ARHGAP15: variants seen among roughly 807,000 people sequenced by gnomAD.
ARHGAP15 encodes the protein Rho GTPase activating protein 15.
A neutral mutation model predicts 63.7 loss-of-function variants in ARHGAP15; 51 were observed. That is an observed-to-expected ratio of 0.80 (90% CI 0.64 to 1.01). ARHGAP15 has a LOEUF of 1.01. ARHGAP15 is among the 50% of genes least tolerant of loss of function. The probability of loss-of-function intolerance (pLI) is 0.00; values close to 1 mark genes in which losing one functional copy is unlikely to be tolerated. For missense variants in ARHGAP15, 560 were observed against 564.6 expected (o/e 0.99, Z 0.08); for synonymous variants, 191 against 193.8 (o/e 0.99, Z 0.12).
intron 6 of ARHGAP15, among the ~76,000 whole-genome samples, chr2:143,413,926 G>GTT (rs921932624): frequency 3.7e-5 from 3 of 80,246 alleles, no homozygotes; most frequent in South Asian, 1.0e-3. Context: ...AAGGTAGGTA[G>GTT]TTGTGTGTGT....
chr2:143,409,277 C>T (rs1688345254), intron 6 of ARHGAP15, among the ~76,000 whole-genome samples: 3 of 151,874 alleles, frequency 2.0e-5, no homozygotes, highest in African/African-American at 7.2e-5. Flanking sequence ...ACAACAACCT[C>T]ATTAAAATTA....
chr2:143,367,779 C>T (rs964617307), intron 6 of ARHGAP15, among the ~76,000 whole-genome samples: 3 of 151,904 alleles, frequency 2.0e-5, no homozygotes, highest in African/African-American at 7.2e-5. Context: ...GTGTATTTGT[C>T]ACAAACAGCA....
chr2:143,163,535 A>G (rs111347172), intron 2 of ARHGAP15, among the ~76,000 whole-genome samples: 2 of 152,100 alleles, frequency 1.3e-5, no homozygotes, highest in African/African-American at 4.8e-5. Context: ...ACAAGCTGAA[A>G]TATCAAGATT....
chr2:143,572,276 A>G (rs1574649868), intron 11 of ARHGAP15, among the ~76,000 whole-genome samples: 1 of 151,806 alleles, frequency 6.6e-6, no homozygotes, highest in Non-Finnish European at 1.5e-5. Context: ...TAAAATCATC[A>G]CCCACCTGTG....
chr2:143,223,573 ACCAT>A (rs1358593357), intron 4 of ARHGAP15, among the ~76,000 whole-genome samples: 1 of 152,142 alleles, frequency 6.6e-6, no homozygotes, highest in African/African-American at 2.4e-5. Context: ...TTGCCTGCTG[ACCAT>A]CATGATAGGG....
intron 6 of ARHGAP15, among the ~76,000 whole-genome samples, chr2:143,318,449 T>C (rs955052771): frequency 2.7e-5 from 4 of 149,422 alleles, no homozygotes; most frequent in African/African-American, 9.8e-5. Context: ...CAATTATGAA[T>C]CTAAAAACGG....
chr2:143,188,228 T>G (rs1459841055), intron 2 of ARHGAP15, among the ~76,000 whole-genome samples: 1 of 152,140 alleles, frequency 6.6e-6, no homozygotes, highest in Non-Finnish European at 1.5e-5. Flanking sequence ...TTCACAATTT[T>G]TAGTTCAATT....
intron 6 of ARHGAP15, among the ~76,000 whole-genome samples, chr2:143,362,506 T>G (rs541328199): frequency 1.2e-4 from 18 of 152,332 alleles, no homozygotes; most frequent in Non-Finnish European, 2.4e-4. Context: ...CCTTAATATC[T>G]GCAATAGTCT....
In ARHGAP15 at chr2:143,529,196, A is replaced by G. The variant is rs557351387; in HGVS notation, c.925+9832A>G. On this transcript the variant is annotated intron_variant, in intron 10 of 13. Transcript: ENST00000295095. ...TTTATTTCTTAACTCAGCCCGCAGC[A>G]TTACAATCTATATTCCCCATTGCCC... is the stretch of plus-strand genomic sequence containing the variant. Among the ~76,000 whole-genome samples the G allele has an allele frequency of 4.6e-5, 7 of 152,252 alleles. 1 individual carries two copies. In the South Asian group the frequency reaches 1.4e-3, roughly 32 times the overall value.
intron 11 of ARHGAP15, among the ~76,000 whole-genome samples, chr2:143,593,687 C>T (rs1407638869): frequency 1.3e-5 from 2 of 152,060 alleles, no homozygotes; most frequent in African/African-American, 4.8e-5. Flanking sequence ...GTAGAATTCC[C>T]AGCCATAGCA....
intron 9 of ARHGAP15, among the ~76,000 whole-genome samples, chr2:143,503,965 G>A (rs980489484): frequency 5.3e-5 from 8 of 152,108 alleles, no homozygotes; most frequent in African/African-American, 1.7e-4. Flanking sequence ...TGCTCTAAGG[G>A]GTATTTAGGT....
chr2:143,281,210 A>G lies in ARHGAP15; in HGVS notation c.474+30610A>G, dbSNP rs188786257. Among the ~76,000 whole-genome samples the G allele has an allele frequency of 3.4e-3, 512 of 152,264 alleles. 3 individuals carry two copies. Among genetic ancestry groups the G allele is most frequent in the African/African-American group, 0.012 (487 of 41,570 alleles). The stretch of plus-strand genomic sequence containing the variant: ...GGCTTCATGTTGACTACTCTGCTAC[A>G]CATGTAATGAAGACAATTTAAAATG... On this transcript the variant is annotated intron_variant, in intron 6 of 13. Coordinates refer to ENST00000295095, the MANE Select transcript of ARHGAP15 (RefSeq NM_018460.4).
At chr2:143,541,886 C>A (rs1251874641) in intron 10 of ARHGAP15, among the ~76,000 whole-genome samples, 2 of 152,204 alleles carry the variant, frequency 1.3e-5, no homozygotes, top group Admixed American at 6.5e-5. Flanking sequence ...CTGGGCGAAC[C>A]ACTACTCTCT....
intron 6 of ARHGAP15, among the ~76,000 whole-genome samples, chr2:143,410,740 G>T (rs779432543): frequency 2.0e-5 from 3 of 151,160 alleles, no homozygotes; most frequent in Non-Finnish European, 4.4e-5. Flanking sequence ...AGCAGATACT[G>T]GAAATTTAAA....
At chr2:143,441,138 C>G (rs1689860123) in intron 8 of ARHGAP15, among the ~76,000 whole-genome samples, 2 of 152,018 alleles carry the variant, frequency 1.3e-5, no homozygotes, top group Non-Finnish European at 2.9e-5. Flanking sequence ...GCAGATAGCA[C>G]TGAGACAGGG....
At chr2:143,230,903 C>A (rs1210455269) in intron 5 of ARHGAP15, among the ~76,000 whole-genome samples, 2 of 152,056 alleles carry the variant, frequency 1.3e-5, no homozygotes, top group African/African-American at 4.8e-5. Flanking sequence ...CCCTTTCCTC[C>A]TAGGGGTCAA....
intron 8 of ARHGAP15, among the ~76,000 whole-genome samples, chr2:143,487,109 C>A (rs909649728): frequency 2.6e-5 from 4 of 152,016 alleles, no homozygotes; most frequent in Admixed American, 2.6e-4. Flanking sequence ...GTAAAGATTA[C>A]GTTAAATATA....
intron 13 of ARHGAP15, among the ~76,000 whole-genome samples, chr2:143,749,620 A>G (rs946268958): frequency 6.6e-6 from 1 of 152,236 alleles, no homozygotes; most frequent in Non-Finnish European, 1.5e-5. Flanking sequence ...TGTTACCTAC[A>G]GAGTTTCACC....
At chr2:143,362,320 G>A (rs1159055324) in intron 6 of ARHGAP15, among the ~76,000 whole-genome samples, 1 of 152,140 alleles carries the variant, frequency 6.6e-6, no homozygotes, top group African/African-American at 2.4e-5. Flanking sequence ...GCTATTCTGT[G>A]GCAAAAAGCA....
Sources: allele counts gnomAD v4.1 joint callset (sites outside exome capture counted in the v4.1 genomes callset), GRCh38; gene constraint gnomAD v4.1.1; transcripts MANE v1.5; gene names NCBI Gene and HGNC (gene_info 2026-07-23, HGNC 2026-07-21).